Variants in ANKRD6 observed in about 807,000 individuals in gnomAD.
ANKRD6 encodes the protein ankyrin repeat domain-containing protein 6.
In ANKRD6, 56 loss-of-function variants were observed where a neutral mutation model predicts 82.3. The ratio of observed to expected loss-of-function variants is 0.68; its 90% CI spans 0.55 to 0.85. The LOEUF (loss-of-function observed/expected upper bound fraction) is 0.85, where lower values mean the gene tolerates loss of function less well. Ranked by LOEUF, ANKRD6 falls within the 40% of genes least tolerant of loss-of-function variation. The pLI is 0.00. For missense variants in ANKRD6, 852 were observed against 907.6 expected (o/e 0.94, Z 0.79); for synonymous variants, 347 against 352.1 (o/e 0.99, Z 0.16).
chr6:89,567,429 C>T (rs928796210), intron 2 of ANKRD6, among the ~76,000 whole-genome samples: 3 of 152,076 alleles, frequency 2.0e-5, no homozygotes, highest in Admixed American at 1.3e-4. Context: ...ATGGGCCTCC[C>T]GGGGAGGTGG....
Position 89,524,069 on chromosome 6 carries a change from C to T in ANKRD6, c.-143-42765C>T, listed in dbSNP as rs1012015367. Among the ~76,000 whole-genome samples the T allele has an allele frequency of 2.0e-5, 3 of 152,204 alleles. No homozygotes were observed. In the East Asian group the frequency reaches 5.8e-4, roughly 29 times the overall value. On this transcript the variant is annotated intron_variant, in intron 1 of 15. Transcript: ENST00000339746. ...GCAGGAGTAGGATGATAACCTTTGG[C>T]AGGAAAGGAAAGGGCCATCAGCTCA...
chr6:89,563,357 A>G (rs1487267821), intron 1 of ANKRD6, among the ~76,000 whole-genome samples: 3 of 152,196 alleles, frequency 2.0e-5, no homozygotes. Flanking sequence ...CAGAATGTGC[A>G]TTGCATACTT....
intron 9 of ANKRD6, among the ~76,000 whole-genome samples, chr6:89,619,236 T>G (rs113594052): frequency 3.1e-4 from 47 of 152,286 alleles, no homozygotes; most frequent in African/African-American, 8.4e-4. Flanking sequence ...CTCTAGCAGC[T>G]TTTATCGTAA....
At chr6:89,585,573 T>C (rs1328364162) in intron 2 of ANKRD6, among the ~76,000 whole-genome samples, 1 of 152,128 alleles carries the variant, frequency 6.6e-6, no homozygotes, top group Non-Finnish European at 1.5e-5. Context: ...CTAATTAGCA[T>C]AGGAAATATT....
chr6:89,581,228 T>C (rs919410895), intron 2 of ANKRD6, among the ~76,000 whole-genome samples: 25 of 152,364 alleles, frequency 1.6e-4, no homozygotes, highest in Middle Eastern at 3.4e-3. Context: ...TAGATTATGT[T>C]AATCTCCTGC....
chr6:89,624,377 C>A, intron 12 of ANKRD6, 162 bp from the exon 13 acceptor site: 1 of 914,894 alleles, frequency 1.1e-6, no homozygotes, highest in South Asian at 1.8e-5. Context: ...CTGCTACACC[C>A]AAAATTTGGC....
rs903731140 is a variant in ANKRD6 at position 89,575,208 on chromosome 6, C to T, written c.120+8112C>T. On this transcript the variant is annotated intron_variant, in intron 2 of 15. Transcript: ENST00000339746. ...AATTTCTTTATGGCTTGCTTTTACG[C>T]AGAAAGGGGAGGAGGGGAAGGTTAG... Among the ~76,000 whole-genome samples, 7 of 152,086 alleles carry T rather than the reference C, an allele frequency of 4.6e-5. No homozygotes were observed. The South Asian group carries it at 1.4e-3, about 32-fold the overall frequency.
Position 89,617,989 on chromosome 6 carries a change from C to T in ANKRD6, c.750C>T (p.His250=). ...GQTPLETARY[H]NNPEVALLLT... ...CTCCGCTGGAGACTGCCCGCTACCACAATAACCCGGAAGTTGCTCTTCTCC... is the reference window on the plus strand; with the variant it reads ...CTCCGCTGGAGACTGCCCGCTACCATAATAACCCGGAAGTTGCTCTTCTCC... Residue 250 remains histidine (H), a synonymous_variant, in exon 9 of 16, where the codon CAC becomes CAT. Coordinates refer to ENST00000339746, the MANE Select transcript of ANKRD6 (RefSeq NM_001242809.2). 2 of 1,614,054 alleles carry T rather than the reference C, an allele frequency of 1.2e-6. No homozygotes were observed. Among genetic ancestry groups the T allele is most frequent in the East Asian group, 4.5e-5 (2 of 44,884 alleles).
intron 1 of ANKRD6, among the ~76,000 whole-genome samples, chr6:89,488,076 A>T (rs568510005): frequency 6.6e-6 from 1 of 152,296 alleles, no homozygotes; most frequent in Non-Finnish European, 1.5e-5. Flanking sequence ...TGCCTGTGCT[A>T]CCAAGTGCCT....
chr6:89,602,848 C>A (rs1277558947), intron 3 of ANKRD6, 181 bp from the exon 4 acceptor site: 4 of 541,848 alleles, frequency 7.4e-6, no homozygotes, highest in Non-Finnish European at 1.3e-5. Flanking sequence ...TGCCAGCGTG[C>A]GTTGTCTACT....
At chr6:89,623,668 C>A in intron 11 of ANKRD6, 124 bp downstream of exon 11, 4 of 1,393,280 alleles carry the variant, frequency 2.9e-6, no homozygotes, top group Non-Finnish European at 3.8e-6. Context: ...GGAGCCAGAG[C>A]ACAGAAATTA....
At chr6:89,591,783 G>A (rs1381041357) in intron 2 of ANKRD6, among the ~76,000 whole-genome samples, 1 of 152,200 alleles carries the variant, frequency 6.6e-6, no homozygotes, top group Non-Finnish European at 1.5e-5. Flanking sequence ...GCCCCAGGAC[G>A]GAGGAGACAG....
At position 89,630,718 on chromosome 6, in the gene ANKRD6, C is replaced by G; in HGVS notation, c.1898C>G (p.Ala633Gly). Residue 633 changes from alanine (A) to glycine (G), a missense_variant, in exon 16 of 16, where the codon GCC (alanine) becomes GGC (glycine). Coordinates refer to ENST00000339746, the MANE Select transcript of ANKRD6 (RefSeq NM_001242809.2). ...AAGAGTGGGCCAACAAGGCATCGTG[C>G]CCAGCAACCCGCAGCCAGCAGCACC... ...SGKSGPTRHR[A>G]QQPAASSTCG... is the part of the protein sequence containing the mutation. 2 of 1,613,882 alleles carry G rather than the reference C, an allele frequency of 1.2e-6. No homozygotes were observed. The highest frequency in any genetic ancestry group is 1.7e-6 in the Non-Finnish European group (2 of 1,179,862).
intron 3 of ANKRD6, chr6:89,602,645 G>C (rs1199620984): frequency 5.5e-6 from 1 of 183,296 alleles, no homozygotes; most frequent in East Asian, 1.4e-4. Flanking sequence ...GCAGGCAGTA[G>C]AGATTCCAGG....
intron 1 of ANKRD6, among the ~76,000 whole-genome samples, chr6:89,442,726 C>A (rs975766818): frequency 6.6e-6 from 1 of 151,058 alleles, no homozygotes; most frequent in African/African-American, 2.4e-5. Context: ...CAATTGGTTG[C>A]AAAAGTTATT....
At chr6:89,450,179 A>G (rs1009314535) in intron 1 of ANKRD6, among the ~76,000 whole-genome samples, 1 of 152,226 alleles carries the variant, frequency 6.6e-6, no homozygotes, top group Admixed American at 6.5e-5. Context: ...TCTACTAAAA[A>G]TACAAAAATT....
intron 1 of ANKRD6, among the ~76,000 whole-genome samples, chr6:89,506,109 A>C (rs1779816068): frequency 6.6e-6 from 1 of 152,174 alleles, no homozygotes; most frequent in South Asian, 2.1e-4. Context: ...TTTCAGTTAT[A>C]AGATGAATAA....
chr6:89,537,119 G>A (rs1412356045), intron 1 of ANKRD6, among the ~76,000 whole-genome samples: 3 of 152,118 alleles, frequency 2.0e-5, no homozygotes, highest in African/African-American at 7.2e-5. Context: ...CACCGAACTG[G>A]GAACATGGTT....
chr6:89,458,381 A>G (rs377585434), intron 1 of ANKRD6, among the ~76,000 whole-genome samples: 3 of 152,364 alleles, frequency 2.0e-5, no homozygotes, highest in South Asian at 4.1e-4. Context: ...ACAAGGTTAA[A>G]GTCCCACAGT....
Sources: gnomAD v4.1 joint callset for allele counts (sites outside exome capture counted in the v4.1 genomes callset) on GRCh38, gnomAD v4.1.1 for gene constraint, MANE v1.5 for transcripts, NCBI Gene and HGNC (gene_info 2026-07-23, HGNC 2026-07-21) for gene names.